Variants in RUNX1T1 observed in about 807,000 individuals in gnomAD.
RUNX1T1 encodes the protein protein CBFA2T1.
Under a neutral mutation model 62.8 loss-of-function variants are expected in RUNX1T1, and 4 were observed. The ratio of observed to expected loss-of-function variants is 0.06; its 90% CI spans 0.03 to 0.15. RUNX1T1 has a LOEUF of 0.15. Ranked by LOEUF, RUNX1T1 falls within the 10% of genes least tolerant of loss-of-function variation. The pLI is 1.00. For missense variants in RUNX1T1, 508 were observed against 754.3 expected (o/e 0.67, Z 3.82); for synonymous variants, 291 against 286.0 (o/e 1.02, Z -0.18).
At chr8:92,099,705 G>C (rs1326668703), upstream of RUNX1T1, 1 of 936,772 alleles carries the variant, frequency 1.1e-6, no homozygotes, top group African/African-American at 1.8e-5. Context: ...CAGTGAAGAA[G>C]GCTTTGCATT....
chr8:92,072,597 C>G (rs973043765), intron 2 of RUNX1T1, among the ~76,000 whole-genome samples: 3 of 152,140 alleles, frequency 2.0e-5, no homozygotes, highest in African/African-American at 7.2e-5. Context: ...ACACAAAGAA[C>G]ATTAAATGAA....
At chr8:92,101,184 A>C (rs1459337576), upstream of RUNX1T1, among the ~76,000 whole-genome samples, 1 of 152,210 alleles carries the variant, frequency 6.6e-6, no homozygotes, top group Non-Finnish European at 1.5e-5. Context: ...AATCCCTGTA[A>C]AACACATTTC....
intron 10 of RUNX1T1, among the ~76,000 whole-genome samples, chr8:91,966,179 A>ATG (rs1563615992): frequency 1.3e-5 from 2 of 149,538 alleles, no homozygotes; most frequent in East Asian, 3.9e-4. Context: ...ATATATATAT[A>ATG]TGTAACATAG....
intron 1 of RUNX1T1, among the ~76,000 whole-genome samples, chr8:92,035,520 T>C (rs956629129): frequency 6.6e-6 from 1 of 152,116 alleles, no homozygotes; most frequent in Non-Finnish European, 1.5e-5. Flanking sequence ...AAGGCGATTT[T>C]CTCTTGGCTT....
At chr8:92,001,998 C>T (rs1051202611) in intron 5 of RUNX1T1, among the ~76,000 whole-genome samples, 6 of 152,206 alleles carry the variant, frequency 3.9e-5, no homozygotes, top group African/African-American at 1.4e-4. Flanking sequence ...CTTCTACTCT[C>T]TATCTGTAAG....
intron 8 of RUNX1T1, chr8:91,977,515 A>C (rs1431840830): frequency 5.2e-6 from 1 of 190,962 alleles, no homozygotes; most frequent in Non-Finnish European, 1.1e-5. Flanking sequence ...ATTTATCAAG[A>C]TTATCTTCCT....
In RUNX1T1 at chr8:91,959,197, C is replaced by T. The variant is rs75764941; in HGVS notation, c.*1045G>A. On this transcript the variant is annotated 3_prime_UTR_variant, in exon 11 of 11. Transcript: ENST00000396218. ...ACTAGTTTTTAATTAAAAATCCAAACAGGGTGGGGTTGAAAAATTTTGGAA... is the reference window on the plus strand; with the variant it reads ...ACTAGTTTTTAATTAAAAATCCAAATAGGGTGGGGTTGAAAAATTTTGGAA... The T allele has an allele frequency of 1.0e-3, 228 of 217,554 alleles. 1 individual carries two copies. In the East Asian group the frequency reaches 0.013, roughly 13 times the overall value. The allele number at this position is 217,554 out of a possible 1,614,324, so 13.5% of individuals were successfully genotyped here.
intron 2 of RUNX1T1, among the ~76,000 whole-genome samples, chr8:92,016,888 T>G (rs1823116341): frequency 6.6e-6 from 1 of 152,164 alleles, no homozygotes; most frequent in Non-Finnish European, 1.5e-5. Flanking sequence ...CTGAACAAAC[T>G]AAAATAAAGA....
At chr8:91,987,976 T>C (rs1586842365) in intron 6 of RUNX1T1, among the ~76,000 whole-genome samples, 1 of 152,272 alleles carries the variant, frequency 6.6e-6, no homozygotes, top group Middle Eastern at 3.4e-3. Flanking sequence ...TCTAGATAAC[T>C]GGGCTTCCTC....
At chr8:91,995,799 A>G (rs983097148) in intron 5 of RUNX1T1, among the ~76,000 whole-genome samples, 3 of 152,240 alleles carry the variant, frequency 2.0e-5, no homozygotes, top group African/African-American at 4.8e-5. Context: ...AAAAAAGGGG[A>G]AAAAAAGAAA....
chr8:92,053,145 GAA>G (rs949911585), intron 1 of RUNX1T1, among the ~76,000 whole-genome samples: 2 of 151,574 alleles, frequency 1.3e-5, no homozygotes, highest in African/African-American at 4.8e-5. Context: ...AATTTTTAAA[GAA>G]AATATATATT....
In RUNX1T1 at chr8:91,975,987, G is replaced by T; in HGVS notation, c.1199-14C>A. The T allele has an allele frequency of 6.2e-7, 1 of 1,603,396 alleles. No individual in the cohort carries two copies. The highest frequency in any genetic ancestry group is 8.5e-7 in the Non-Finnish European group (1 of 1,170,260). ...CCCGATGCGCGTCTATGAAAAGGAT[G>T]GGAAGGGGGTGGAGAGAGGAGGAGA... On this transcript the variant is annotated splice_polypyrimidine_tract_variant and intron_variant, in intron 8 of 10. Coordinates refer to ENST00000396218, the Ensembl canonical transcript of RUNX1T1.
chr8:92,082,667 T>C (rs1835458419), intron 1 of RUNX1T1, among the ~76,000 whole-genome samples: 2 of 152,204 alleles, frequency 1.3e-5, no homozygotes, highest in African/African-American at 2.4e-5. Flanking sequence ...ATTTCCGCAT[T>C]GTGAGCCACG....
At chr8:92,074,364 G>A (rs905165901) in intron 2 of RUNX1T1, among the ~76,000 whole-genome samples, 3 of 152,154 alleles carry the variant, frequency 2.0e-5, no homozygotes, top group Admixed American at 2.0e-4. Flanking sequence ...GATGGAATGC[G>A]AGTGGGTAAA....
intron 10 of RUNX1T1, among the ~76,000 whole-genome samples, chr8:91,965,089 G>A (rs1811295338): frequency 6.6e-6 from 1 of 152,168 alleles, no homozygotes; most frequent in Admixed American, 6.5e-5. Context: ...AAGAAAGAGA[G>A]AGTAGATACA....
At chr8:92,011,802 T>C (rs533087908) in intron 3 of RUNX1T1, among the ~76,000 whole-genome samples, 2 of 152,236 alleles carry the variant, frequency 1.3e-5, no homozygotes, top group Non-Finnish European at 2.9e-5. Context: ...ACCTACCTTA[T>C]ATAAAAAAAC....
upstream of RUNX1T1, among the ~76,000 whole-genome samples, chr8:92,100,339 A>G (rs1433018587): frequency 6.6e-6 from 1 of 152,216 alleles, no homozygotes; most frequent in Non-Finnish European, 1.5e-5. Flanking sequence ...ACACTGGAGA[A>G]ACTGAGTATT....
intron 1 of RUNX1T1, among the ~76,000 whole-genome samples, chr8:92,060,545 A>ATGTGTGTGTGTG (rs1317671685): frequency 2.9e-5 from 3 of 103,746 alleles, no homozygotes; most frequent in African/African-American, 1.1e-4. Flanking sequence ...ATATATATAT[A>ATGTGTGTGTGTG]TATATATATG....
At chr8:92,091,347 G>C (rs1374533222) in intron 1 of RUNX1T1, among the ~76,000 whole-genome samples, 1 of 152,162 alleles carries the variant, frequency 6.6e-6, no homozygotes, top group Non-Finnish European at 1.5e-5. Context: ...GTATCTCTTG[G>C]TCCTTGAAAA....
Sources: gnomAD v4.1 joint callset for allele counts (sites outside exome capture counted in the v4.1 genomes callset) on GRCh38, gnomAD v4.1.1 for gene constraint, MANE v1.5 for transcripts, NCBI Gene and HGNC (gene_info 2026-07-23, HGNC 2026-07-21) for gene names.